The following TNRC18 variants were observed in gnomAD, a reference collection of about 807,000 sequenced individuals.
TNRC18 encodes the protein trinucleotide repeat-containing gene 18 protein.
In TNRC18, 69 loss-of-function variants were observed where a neutral mutation model predicts 226.7. The ratio of observed to expected loss-of-function variants is 0.30; its 90% confidence interval spans 0.25 to 0.37. The LOEUF is 0.37. TNRC18 is among the 10% of genes least tolerant of loss of function. The pLI, the probability that TNRC18 is intolerant of heterozygous loss-of-function variation, is 1.00. For missense variants in TNRC18, 4,754 were observed against 4,256.6 expected (o/e 1.12, Z -3.25); for synonymous variants, 2,449 against 1,927.6 (o/e 1.27, Z -7.09).
chr7:5,364,458 AGAAAACACACACAC>A (rs1562554607), intron 11 of TNRC18, among the ~76,000 whole-genome samples: 1 of 87,538 alleles, frequency 1.1e-5, no homozygotes. Flanking sequence ...CCTGTCTCAA[AGAAAACACACACAC>A]ACACACACAC....
chr7:5,328,154 G>A (rs1196589943), intron 19 of TNRC18, among the ~76,000 whole-genome samples: 2 of 152,056 alleles, frequency 1.3e-5, no homozygotes, highest in African/African-American at 2.4e-5. Flanking sequence ...GGAGGCAGAG[G>A]TTGCAGTGAG....
intron 24 of TNRC18, among the ~76,000 whole-genome samples, chr7:5,316,765 G>A (rs965332979): frequency 1.5e-4 from 23 of 152,226 alleles, no homozygotes; most frequent in Non-Finnish European, 2.1e-4. Flanking sequence ...CCGGAGAGAT[G>A]CCGGGATGAA....
chr7:5,346,624 C>T (rs1040112484), intron 17 of TNRC18, among the ~76,000 whole-genome samples: 12 of 152,142 alleles, frequency 7.9e-5, no homozygotes, highest in Non-Finnish European at 1.0e-4. Flanking sequence ...GCCTGGGCAA[C>T]GCAGAGTCCC....
At position 5,330,190 on chromosome 7, in the gene TNRC18, C is replaced by T. The variant is rs535508882; in HGVS notation, c.6147+2432G>A. On this transcript the variant is annotated intron_variant, in intron 19 of 29. Transcript: ENST00000430969. The stretch of plus-strand genomic sequence containing the variant: ...CAGGTGATCTGCCCACCTCGGCCTC[C>T]CAAAGTGCTAGGATTACAGGAATGA... 2.6e-5 allele frequency among the ~76,000 whole-genome samples: 4 copies of T among 152,228 alleles called. No individual in the cohort carries two copies. The East Asian group carries it at 5.8e-4, about 22-fold the overall frequency.
intron 18 of TNRC18, 37 bp downstream of exon 18, chr7:5,345,525 C>CCCCCCCCCCCCCCCCCCCCCCCCCCACA: frequency 4.6e-6 from 1 of 217,344 alleles, no homozygotes; most frequent in Non-Finnish European, 9.4e-6. Flanking sequence ...CCGCCCCTCC[C>CCCCCCCCCCCCCCCCCCCCCCCCCCACA]ACCCACCCCC....
chr7:5,422,815 T>C (rs1041193010), intron 1 of TNRC18: 3 of 152,254 alleles, frequency 2.0e-5, no homozygotes, highest in Non-Finnish European at 4.4e-5. Flanking sequence ...AGATTCGCGT[T>C]TACTTTGGAA....
Position 5,371,005 on chromosome 7 carries a change from C to T in TNRC18, c.3589G>A (p.Gly1197Arg), listed in dbSNP as rs1445694258. The change falls in exon 11 of 30, where the codon GGA (glycine) becomes AGA (arginine). Residue 1197 changes from glycine (G) to arginine (R), a missense_variant. Gly to Arg is a moderately radical substitution (Grantham distance 125). Coordinates refer to ENST00000430969, the MANE Select transcript of TNRC18 (RefSeq NM_001080495.3). ...GCCTGGGCCTCCAACAGGCCACCTC[C>T]ACAACCCCCTGCAGGGCTGGGGGTA... ...MATPSPAGGC[G>R]GGLLEAQALS... 5 of 1,607,820 alleles carry T rather than the reference C, an allele frequency of 3.1e-6. No individual in the cohort carries two copies. Among genetic ancestry groups the T allele is most frequent in the Non-Finnish European group, 4.2e-6 (5 of 1,179,732 alleles).
At position 5,368,051 on chromosome 7, in the gene TNRC18, G is replaced by GAA. The variant is rs61667235; in HGVS notation, c.4219+2322_4219+2323dup. ...TAACCATCATGTTATTTGCAACGGA[G>GAA]AAAAAAAAAAAACAACTTTGTTTTA... On this transcript the variant is annotated intron_variant, in intron 11 of 29. Coordinates refer to ENST00000430969, the MANE Select transcript of TNRC18 (RefSeq NM_001080495.3). 8.6e-3 allele frequency among the ~76,000 whole-genome samples: 1,265 copies of GAA among 146,278 alleles called. 11 individuals carry two copies. The highest frequency in any genetic ancestry group is 0.025 in the African/African-American group (1,022 of 40,170).
At chr7:5,326,124 C>T (rs890993327) in intron 19 of TNRC18, among the ~76,000 whole-genome samples, 1 of 152,040 alleles carries the variant, frequency 6.6e-6, no homozygotes, top group Non-Finnish European at 1.5e-5. Flanking sequence ...TCCAGTGACC[C>T]TCCTACCAAC....
intron 26 of TNRC18, 147 bp from the exon 27 acceptor site, chr7:5,314,010 T>C: frequency 2.2e-6 from 2 of 900,500 alleles, no homozygotes; most frequent in Non-Finnish European, 1.5e-6. Context: ...CAAGCTGGAA[T>C]GCAGTGGCGT....
At chr7:5,344,760 C>G (rs1400209417) in intron 18 of TNRC18, among the ~76,000 whole-genome samples, 4 of 152,208 alleles carry the variant, frequency 2.6e-5, no homozygotes, top group African/African-American at 9.6e-5. Flanking sequence ...ATGACCATCT[C>G]CATCTCCGGC....
chr7:5,419,412 GC>G (rs1042383708), intron 2 of TNRC18, among the ~76,000 whole-genome samples: 4 of 152,146 alleles, frequency 2.6e-5, no homozygotes, highest in South Asian at 2.1e-4. Flanking sequence ...CTTGGGGGGG[GC>G]CCCCCTGCCA....
intron 5 of TNRC18, among the ~76,000 whole-genome samples, chr7:5,383,914 TC>T (rs1336291305): frequency 6.8e-6 from 1 of 147,674 alleles, no homozygotes. Context: ...CACTTTAGCC[TC>T]CTAAGTAGCT....
In TNRC18 at chr7:5,357,126, A is replaced by C; in HGVS notation, c.4984T>G (p.Cys1662Gly). 1 of 1,557,128 alleles carries C rather than the reference A, an allele frequency of 6.4e-7. No individual in the cohort carries two copies. Among genetic ancestry groups the C allele is most frequent in the Non-Finnish European group, 8.7e-7 (1 of 1,149,676 alleles). ...TCGTAAGGAGTCAAGTACCTGCCGC[A>C]GCCCCCGCTAGTTTTCGATTTCCCC... ...AGGKSKTSGG[C>G]GRYLTPYDSL... The change falls in exon 16 of 30, where the codon TGC becomes GGC. Residue 1662 changes from cysteine to glycine, a missense_variant. Physicochemically the swap from Cys to Gly is radical, Grantham distance 159. Coordinates refer to ENST00000430969, the MANE Select transcript of TNRC18 (RefSeq NM_001080495.3).
In TNRC18 at chr7:5,388,865, C is replaced by A. The variant is rs1452528073; in HGVS notation, c.959G>T (p.Arg320Leu). 1 of 1,284,080 alleles carries A rather than the reference C, an allele frequency of 7.8e-7. No homozygotes were observed. The highest frequency in any genetic ancestry group is 9.9e-7 in the Non-Finnish European group (1 of 1,011,786). 79.5% of individuals were successfully genotyped at this position (1,284,080 alleles called of 1,614,324 possible). A position where few individuals can be genotyped will look rare whatever the true frequency, so the allele number is the denominator to read the frequency against. ...CGGCCCAGGGAGCAGGGTCTCCGTG[C>A]GCCGCAGCAGCCGCGCGCCCTCGTC... ...RQDEGARLLR[R>L]TETLLPGPRP... Residue 320 changes from arginine (R) to leucine (L), a missense_variant, in exon 5 of 30, where the codon CGC becomes CTC. Physicochemically the swap from Arg to Leu is moderately radical, Grantham distance 102. Coordinates refer to ENST00000430969, the MANE Select transcript of TNRC18 (RefSeq NM_001080495.3).
chr7:5,311,998 T>C (rs1416336141), intron 27 of TNRC18, among the ~76,000 whole-genome samples: 7 of 151,912 alleles, frequency 4.6e-5, no homozygotes, highest in African/African-American at 1.2e-4. Flanking sequence ...TAGCCAGGCG[T>C]GGTGGCGTGC....
intron 16 of TNRC18, 55 bp from the exon 17 acceptor site, chr7:5,352,149 G>A: frequency 6.6e-7 from 1 of 1,507,508 alleles, no homozygotes; most frequent in Non-Finnish European, 8.9e-7. Context: ...AGGAGCTGGT[G>A]TCATTTTATT....
At chr7:5,336,673 T>C (rs950426035) in intron 18 of TNRC18, among the ~76,000 whole-genome samples, 4 of 152,008 alleles carry the variant, frequency 2.6e-5, no homozygotes, top group African/African-American at 9.7e-5. Context: ...GCCCAGGAGG[T>C]TGAGGCTTCA....
intron 29 of TNRC18, among the ~76,000 whole-genome samples, chr7:5,308,534 C>G (rs1002704825): frequency 6.6e-6 from 1 of 151,794 alleles, no homozygotes; most frequent in African/African-American, 2.4e-5. Flanking sequence ...ACCAAGAGAT[C>G]CAAAGACGCA....
Sources: gnomAD v4.1 joint callset for allele counts (sites outside exome capture counted in the v4.1 genomes callset) on GRCh38, gnomAD v4.1.1 for gene constraint, MANE v1.5 for transcripts, NCBI Gene and HGNC (gene_info 2026-07-23, HGNC 2026-07-21) for gene names.